GDPD5: variants seen among roughly 807,000 people sequenced by gnomAD.
GDPD5 encodes the protein glycerophosphodiester phosphodiesterase 2.
In GDPD5, 48 loss-of-function variants were observed where a neutral mutation model predicts 75.1. That is an observed-to-expected ratio of 0.64 (90% CI 0.51 to 0.81). The LOEUF (loss-of-function observed/expected upper bound fraction) is 0.81, where lower values mean the gene tolerates loss of function less well. GDPD5 is among the 40% of genes least tolerant of loss of function. The pLI is 0.00. For synonymous variants in GDPD5, 336 were observed against 339.0 expected, an observed-to-expected ratio of 0.99 and a Z score of 0.10; for missense variants, 706 against 822.6, an observed-to-expected ratio of 0.86 and a Z score of 1.73.
At chr11:75,450,340 C>A (rs549910941) in intron 6 of GDPD5, 4 of 328,062 alleles carry the variant, frequency 1.2e-5, no homozygotes, top group Middle Eastern at 9.0e-4. Context: ...CATCCAAGGT[C>A]CCGCCCAGCC....
intron 2 of GDPD5, among the ~76,000 whole-genome samples, chr11:75,480,790 T>C (rs1949896613): frequency 6.6e-6 from 1 of 152,254 alleles, no homozygotes; most frequent in Non-Finnish European, 1.5e-5. Context: ...ATAGTCTTTA[T>C]GTTTTTAAAT....
chr11:75,447,344 G>A (rs1166708023), intron 9 of GDPD5, among the ~76,000 whole-genome samples: 2 of 152,118 alleles, frequency 1.3e-5, no homozygotes, highest in Non-Finnish European at 2.9e-5. Flanking sequence ...TAATATTAAG[G>A]AATCATTATC....
chr11:75,441,075 C>T (rs1948783777), intron 14 of GDPD5, 88 bp downstream of exon 14: 1 of 1,366,946 alleles, frequency 7.3e-7, no homozygotes, highest in Non-Finnish European at 1.0e-6. Flanking sequence ...CCAGGGACAG[C>T]TCCAAGCACA....
intron 6 of GDPD5, 79 bp downstream of exon 6, chr11:75,456,678 G>T: frequency 7.3e-7 from 1 of 1,370,094 alleles, no homozygotes; most frequent in Non-Finnish European, 1.0e-6. Flanking sequence ...GGAGGGACAT[G>T]GTGGCCAGGC....
At chr11:75,499,481 C>T (rs1179085489) in intron 1 of GDPD5, among the ~76,000 whole-genome samples, 1 of 149,600 alleles carries the variant, frequency 6.7e-6, no homozygotes, top group African/African-American at 2.5e-5. Context: ...CTTCAAATTC[C>T]TCTGGTTGGC....
At chr11:75,489,499 C>T (rs1950072798) in intron 2 of GDPD5, among the ~76,000 whole-genome samples, 1 of 152,348 alleles carries the variant, frequency 6.6e-6, no homozygotes, top group South Asian at 2.1e-4. Flanking sequence ...AGCTGGCTGG[C>T]CCACCTTGAA....
At chr11:75,436,287 A>G (rs1948622783) in intron 16 of GDPD5, among the ~76,000 whole-genome samples, 2 of 152,144 alleles carry the variant, frequency 1.3e-5, no homozygotes, top group African/African-American at 2.4e-5. Context: ...TGCCCAGGCA[A>G]GCGGTGCTCC....
chr11:75,441,469 G>C (rs1948800141), intron 13 of GDPD5, among the ~76,000 whole-genome samples, 159 bp from the exon 14 acceptor site: 1 of 152,222 alleles, frequency 6.6e-6, no homozygotes, highest in Admixed American at 6.5e-5. Flanking sequence ...GCCCGGGTCT[G>C]CCCGACACGC....
At chr11:75,512,008 C>T (rs1321959413) in intron 1 of GDPD5, among the ~76,000 whole-genome samples, 1 of 152,156 alleles carries the variant, frequency 6.6e-6, no homozygotes, top group African/African-American at 2.4e-5. Flanking sequence ...CCAGCATTTG[C>T]TGTGTGCATC....
At chr11:75,478,167 T>C (rs1359647841) in intron 2 of GDPD5, among the ~76,000 whole-genome samples, 1 of 152,220 alleles carries the variant, frequency 6.6e-6, no homozygotes, top group East Asian at 1.9e-4. Flanking sequence ...CTTTTCTTTT[T>C]GAGACAGAGT....
chr11:75,446,764 C>T (rs1158837527), intron 9 of GDPD5, among the ~76,000 whole-genome samples: 1 of 152,080 alleles, frequency 6.6e-6, no homozygotes. Context: ...GGGACCCTTG[C>T]CAGCCCCTCA....
At chr11:75,474,470 C>G (rs979613190) in intron 3 of GDPD5, among the ~76,000 whole-genome samples, 2 of 152,248 alleles carry the variant, frequency 1.3e-5, no homozygotes, top group Admixed American at 6.5e-5. Flanking sequence ...AGCTCTACTT[C>G]CCCTTCCTGG....
intron 6 of GDPD5, among the ~76,000 whole-genome samples, chr11:75,455,598 C>T (rs1425397508): frequency 6.6e-6 from 1 of 152,240 alleles, no homozygotes; most frequent in East Asian, 1.9e-4. Flanking sequence ...GTGAGCCCCT[C>T]CCCTTGGAGT....
intron 2 of GDPD5, among the ~76,000 whole-genome samples, chr11:75,489,903 G>A (rs959391813): frequency 1.3e-5 from 2 of 151,898 alleles, no homozygotes; most frequent in African/African-American, 4.8e-5. Flanking sequence ...CATGCCTGGC[G>A]ACCTGCCTGG....
chr11:75,445,950 T>C (rs1948975891), intron 9 of GDPD5, among the ~76,000 whole-genome samples: 1 of 152,248 alleles, frequency 6.6e-6, no homozygotes, highest in African/African-American at 2.4e-5. Context: ...TTTCTTCTCC[T>C]GTCCCTGGCA....
intron 2 of GDPD5, chr11:75,479,433 G>A (rs1049067214): frequency 6.6e-6 from 1 of 152,094 alleles, no homozygotes; most frequent in African/African-American, 2.4e-5. Context: ...GGCCAAAGAG[G>A]GGAACAGCCA....
chr11:75,522,159 C>A (rs1327241087), intron 1 of GDPD5, among the ~76,000 whole-genome samples: 1 of 152,198 alleles, frequency 6.6e-6, no homozygotes, highest in East Asian at 1.9e-4. Context: ...TGATGAGGCA[C>A]CCCCTTGTTG....
chr11:75,437,147 G>T, intron 15 of GDPD5, 99 bp from the exon 16 acceptor site: 1 of 798,724 alleles, frequency 1.3e-6, no homozygotes, highest in South Asian at 1.5e-5. Context: ...TGGCCCAAGA[G>T]ACCAGCAGGA....
chr11:75,493,562 G>A (rs1277657730), intron 1 of GDPD5, among the ~76,000 whole-genome samples: 2 of 151,886 alleles, frequency 1.3e-5, no homozygotes, highest in East Asian at 3.9e-4. Context: ...ACCACGCCAG[G>A]CCTCTCCATT....
Sources: gnomAD v4.1 joint callset for allele counts (sites outside exome capture counted in the v4.1 genomes callset) on GRCh38, gnomAD v4.1.1 for gene constraint, MANE v1.5 for transcripts, NCBI Gene and HGNC (gene_info 2026-07-23, HGNC 2026-07-21) for gene names.